Variants in PLCG2 observed in about 807,000 individuals in gnomAD.
PLCG2 encodes the protein 1-phosphatidylinositol 4,5-bisphosphate phosphodiesterase gamma-2.
In PLCG2, 69 loss-of-function variants were observed where a neutral mutation model predicts 175.6. That is an observed-to-expected ratio of 0.39 (90% CI 0.32 to 0.48). The LOEUF (loss-of-function observed/expected upper bound fraction) is 0.48. PLCG2 is among the 20% of genes least tolerant of loss of function. The probability of loss-of-function intolerance (pLI) is 0.91; values close to 1 mark genes in which losing one functional copy is unlikely to be tolerated. For synonymous variants in PLCG2, 827 were observed against 624.0 expected (o/e 1.33, Z -4.85); for missense variants, 1,798 against 1,650.9 (o/e 1.09, Z -1.54).
intron 1 of PLCG2, among the ~76,000 whole-genome samples, chr16:81,751,569 A>G (rs1341448770): frequency 6.6e-6 from 1 of 152,194 alleles, no homozygotes; most frequent in African/African-American, 2.4e-5. Context: ...GGTAAATGTC[A>G]TTAATAATAG....
rs549659422 is a variant in PLCG2 at position 81,833,448 on chromosome 16, C to T, written c.194-20996C>T. Among the ~76,000 whole-genome samples the T allele has an allele frequency of 1.0e-3, 155 of 151,802 alleles. 1 individual carries two copies. The highest frequency in any genetic ancestry group is 3.5e-3 in the African/African-American group (144 of 41,418). The stretch of plus-strand genomic sequence containing the variant: ...TGGGTGAGGAGGAGGCACCTGGAAG[C>T]CCCTGGCCTCTCCTGTTAATCACTG... On this transcript the variant is annotated intron_variant, in intron 2 of 32. Transcript: ENST00000564138.
intron 3 of PLCG2, among the ~76,000 whole-genome samples, chr16:81,857,363 C>G (rs1008046428): frequency 3.3e-5 from 5 of 152,186 alleles, no homozygotes; most frequent in Non-Finnish European, 5.9e-5. Context: ...AGTGTGCTGC[C>G]AGGGTAAGAT....
intron 11 of PLCG2, among the ~76,000 whole-genome samples, chr16:81,892,694 G>C (rs894832883): frequency 2.6e-5 from 4 of 152,066 alleles, no homozygotes; most frequent in African/African-American, 7.2e-5. Flanking sequence ...TACATGTGCA[G>C]GTTTGTTAAA....
intron 3 of PLCG2, among the ~76,000 whole-genome samples, chr16:81,857,634 C>T (rs1906751584): frequency 7.2e-6 from 1 of 139,148 alleles, no homozygotes; most frequent in Non-Finnish European, 1.6e-5. Flanking sequence ...GAGCTCTAGT[C>T]TCTCTTTCTC....
In PLCG2 at chr16:81,921,103, T is replaced by C. The variant is rs1910042210; in HGVS notation, c.2236-95T>C. Reference sequence around the variant, plus strand: ...AGGTTTCAACTCCTCTATCAAAGGATAGGTAACCATAAGGAAGCCTAGAAC... The same window carrying C: ...AGGTTTCAACTCCTCTATCAAAGGACAGGTAACCATAAGGAAGCCTAGAAC... On this transcript the variant is annotated intron_variant, in intron 20 of 32. Coordinates refer to ENST00000564138, the MANE Select transcript of PLCG2 (RefSeq NM_002661.5). The C allele has an allele frequency of 4.2e-6, 3 of 720,642 alleles. No homozygotes were observed. In the African/African-American group the frequency reaches 5.3e-5, roughly 13 times the overall value. 44.6% of individuals were successfully genotyped at this position (720,642 alleles called of 1,614,324 possible).
At chr16:81,764,782 C>G (rs957581929) in intron 2 of PLCG2, among the ~76,000 whole-genome samples, 2 of 152,148 alleles carry the variant, frequency 1.3e-5, no homozygotes, top group African/African-American at 2.4e-5. Flanking sequence ...GGTCATACTG[C>G]ATTAGGGTAC....
upstream of PLCG2, among the ~76,000 whole-genome samples, chr16:81,775,534 C>G (rs1002353352): frequency 1.3e-5 from 2 of 152,128 alleles, no homozygotes; most frequent in Non-Finnish European, 2.9e-5. Flanking sequence ...TCCCTCATCT[C>G]ACAGTCCCCC....
intron 2 of PLCG2, among the ~76,000 whole-genome samples, chr16:81,821,898 A>G (rs1358895651): frequency 6.6e-6 from 1 of 151,834 alleles, no homozygotes; most frequent in Non-Finnish European, 1.5e-5. Flanking sequence ...GAGCAGCACA[A>G]AGAGAGAGCC....
chr16:81,887,206 G>C (rs1349177270), intron 9 of PLCG2, among the ~76,000 whole-genome samples: 1 of 151,216 alleles, frequency 6.6e-6, no homozygotes, highest in Non-Finnish European at 1.5e-5. Context: ...CGCAAACTCT[G>C]TCTCCTGGGT....
At chr16:81,938,186 C>T (rs1331179738) in intron 28 of PLCG2, among the ~76,000 whole-genome samples, 1 of 152,076 alleles carries the variant, frequency 6.6e-6, no homozygotes, top group African/African-American at 2.4e-5. Context: ...GTGAGGTCAG[C>T]CTCTGGCCGG....
At position 81,895,945 on chromosome 16, in the gene PLCG2, T is replaced by C. The variant is rs374706370; in HGVS notation, c.1193+18T>C. 7 of 1,613,898 alleles carry C rather than the reference T, an allele frequency of 4.3e-6. No homozygotes were observed. The African/African-American group carries it at 9.3e-5, about 22-fold the overall frequency. On this transcript the variant is annotated intron_variant, in intron 13 of 32. Coordinates refer to ENST00000564138, the MANE Select transcript of PLCG2 (RefSeq NM_002661.5). ...ACCTCGAGGTCAGTTGGCTGATTTCTGGGTGGTGTGACTTAAAGGGGAAGG... is the reference window on the plus strand; with the variant it reads ...ACCTCGAGGTCAGTTGGCTGATTTCCGGGTGGTGTGACTTAAAGGGGAAGG...
chr16:81,745,944 C>G (rs1479762300), intron 1 of PLCG2, among the ~76,000 whole-genome samples: 1 of 152,218 alleles, frequency 6.6e-6, no homozygotes. Context: ...AGGGGCGAGA[C>G]TAGCCCATTC....
chr16:81,759,854 T>C (rs914680039), intron 2 of PLCG2, among the ~76,000 whole-genome samples: 4 of 152,290 alleles, frequency 2.6e-5, no homozygotes, highest in East Asian at 3.9e-4. Context: ...AGGCCGGGCG[T>C]GGTGGCTCAC....
At chr16:81,953,993 G>C (rs1911467573) in intron 31 of PLCG2, among the ~76,000 whole-genome samples, 1 of 152,108 alleles carries the variant, frequency 6.6e-6, no homozygotes, top group African/African-American at 2.4e-5. Flanking sequence ...GACCTTTCAT[G>C]GTATAGTATT....
rs1257406646 is a variant in PLCG2, at chr16:81,962,034, A to G, written c.*4036A>G. On this transcript the variant is annotated 3_prime_UTR_variant, in exon 33 of 33. Transcript: ENST00000564138. ...TGTCCCCTTCCTACCTCACCGCTCC[A>G]TGTGCGTCCCTCCCGAAGCTGCGCG... 5.2e-6 allele frequency: 1 copy of G among 191,676 alleles called. No individual in the cohort carries two copies. The highest frequency in any genetic ancestry group is 1.1e-5 in the Non-Finnish European group (1 of 89,764). The allele number at this position is 191,676 out of a possible 1,614,324, so 11.9% of individuals were successfully genotyped here. A position where few individuals can be genotyped will look rare whatever the true frequency, so the allele number is the denominator to read the frequency against.
At chr16:81,923,994 A>G (rs1910161898) in intron 22 of PLCG2, among the ~76,000 whole-genome samples, 1 of 152,214 alleles carries the variant, frequency 6.6e-6, no homozygotes, top group African/African-American at 2.4e-5. Flanking sequence ...AATAAATACT[A>G]AATACTAAAT....
intron 7 of PLCG2, among the ~76,000 whole-genome samples, chr16:81,879,280 A>T (rs1015524416): frequency 2.6e-5 from 4 of 152,172 alleles, no homozygotes; most frequent in African/African-American, 9.7e-5. Context: ...TTGGTGACCT[A>T]AGCAGTAAAT....
chr16:81,941,259 G>C (rs1177678413), intron 30 of PLCG2, among the ~76,000 whole-genome samples: 2 of 152,178 alleles, frequency 1.3e-5, no homozygotes. Context: ...GGGCACGGTG[G>C]CTCACTCCTG....
In PLCG2 at chr16:81,750,663, A is replaced by ATTTTTTTTTTTTTTTTTTTTTTTT. The variant is rs543220131; in HGVS notation, c.-144-5185_-144-5184insTTTTTTTTTTTTTTTTTTTTTTTT. Reference sequence around the variant, plus strand: ...TTAAAAAGCAGAATGGGGACTGGAGATTTTTTTTTTTTTTTTTTTTTTGAG... The same window carrying ATTTTTTTTTTTTTTTTTTTTTTTT: ...TTAAAAAGCAGAATGGGGACTGGAGATTTTTTTTTTTTTTTTTTTTTTTTTTTTTTTTTTTTTTTTTTTTTTGAG... On this transcript the variant is annotated intron_variant, in intron 1 of 5. Coordinates refer to the PLCG2 transcript ENST00000565054. Among the ~76,000 whole-genome samples the ATTTTTTTTTTTTTTTTTTTTTTTT allele has an allele frequency of 6.3e-4, 43 of 68,460 alleles. 12 individuals are homozygous for ATTTTTTTTTTTTTTTTTTTTTTTT. The highest frequency in any genetic ancestry group is 1.5e-3 in the African/African-American group (29 of 19,858). The allele number at this position is 68,460 out of a possible 152,430, so 44.9% of individuals were successfully genotyped here. A position where few individuals can be genotyped will look rare whatever the true frequency, so the allele number is the denominator to read the frequency against.
Sources: allele counts gnomAD v4.1 joint callset (sites outside exome capture counted in the v4.1 genomes callset), GRCh38; gene constraint gnomAD v4.1.1; transcripts MANE v1.5; gene names NCBI Gene and HGNC (gene_info 2026-07-23, HGNC 2026-07-21).